The following MPZL3 variants were observed in gnomAD, a reference collection of about 807,000 sequenced individuals.
MPZL3 encodes myelin protein zero-like protein 3.
Under a neutral mutation model 24.8 loss-of-function variants are expected in MPZL3, and 23 were observed. That is an observed-to-expected ratio of 0.93 (90% confidence interval 0.67 to 1.31). The LOEUF is 1.31. Among genes scored for constraint, MPZL3 ranks in the 40% most tolerant of loss-of-function variants. MPZL3 has a pLI of 0.00. For synonymous variants in MPZL3, 99 were observed against 106.5 expected, an observed-to-expected ratio of 0.93 and a Z score of 0.44; for missense variants, 277 against 294.9, an observed-to-expected ratio of 0.94 and a Z score of 0.44.
intron 1 of MPZL3, among the ~76,000 whole-genome samples, chr11:118,250,488 A>G (rs190274953): frequency 6.6e-6 from 1 of 152,284 alleles, no homozygotes; most frequent in Non-Finnish European, 1.5e-5. Context: ...ATAACTGTGA[A>G]TATACTAAAA....
chr11:118,244,209 A>G (rs1949530989), intron 1 of MPZL3, among the ~76,000 whole-genome samples: 1 of 152,222 alleles, frequency 6.6e-6, no homozygotes, highest in Non-Finnish European at 1.5e-5. Flanking sequence ...TTCTTCAAAC[A>G]TACATTTCTT....
intron 4 of MPZL3, among the ~76,000 whole-genome samples, chr11:118,234,583 G>A (rs1460852238): frequency 4.6e-5 from 7 of 152,182 alleles, no homozygotes; most frequent in Admixed American, 3.9e-4. Context: ...AGGGAACAAT[G>A]TGACTTAGAG....
At chr11:118,240,732 GACACACACACACACACACAC>G (rs56100329) in intron 1 of MPZL3, among the ~76,000 whole-genome samples, 35 of 121,528 alleles carry the variant, frequency 2.9e-4, no homozygotes, top group Non-Finnish European at 4.3e-4. Flanking sequence ...ATCCCCCGCA[GACACACACACACACACACAC>G]ACACACACAC....
rs1949322638 is a variant in MPZL3, at chr11:118,229,634, A to T, written c.*260T>A. 2.7e-6 allele frequency: 1 copy of T among 371,514 alleles called. No individual in the cohort carries two copies. The highest frequency in any genetic ancestry group is 8.7e-5 in the South Asian group (1 of 11,546). The allele number at this position is 371,514 out of a possible 1,614,324, so 23.0% of individuals were successfully genotyped here. ...AAAGTATCTTTTTGCTCAGGAAAAG[A>T]ATTTCTTCATTCAATTACAGCATAA... On this transcript the variant is annotated 3_prime_UTR_variant, in exon 6 of 6. Coordinates refer to ENST00000278949, the MANE Select transcript of MPZL3 (RefSeq NM_198275.3).
chr11:118,241,527 ACT>A (rs1949498896), intron 1 of MPZL3, among the ~76,000 whole-genome samples: 5 of 152,176 alleles, frequency 3.3e-5, no homozygotes, highest in Admixed American at 3.3e-4. Flanking sequence ...TAATAACAGT[ACT>A]TACCTCAGAA....
In MPZL3 at chr11:118,241,407, G is replaced by A. The variant is rs140553764; in HGVS notation, c.74-1030C>T. Among the ~76,000 whole-genome samples the A allele has an allele frequency of 4.6e-5, 7 of 152,284 alleles. No homozygotes were observed. The East Asian group carries it at 5.8e-4, about 13-fold the overall frequency. ...TGTTGTGATTGAGCACGCAGGCCAC[G>A]GCTCCTACACCAGAGGGTCTGGGTT... On this transcript the variant is annotated intron_variant, in intron 1 of 5. Transcript: ENST00000278949.
At chr11:118,248,436 T>C (rs1355287897) in intron 1 of MPZL3, among the ~76,000 whole-genome samples, 2 of 152,192 alleles carry the variant, frequency 1.3e-5, no homozygotes, top group African/African-American at 2.4e-5. Context: ...TTATAGTAAG[T>C]ACGCCATCAA....
intron 1 of MPZL3, among the ~76,000 whole-genome samples, chr11:118,251,684 AC>A (rs1949621088): frequency 6.6e-6 from 1 of 152,232 alleles, no homozygotes; most frequent in African/African-American, 2.4e-5. Flanking sequence ...TAAAGCAGTT[AC>A]TTTTTCATCG....
chr11:118,237,454 TG>T (rs1484701514), intron 2 of MPZL3, among the ~76,000 whole-genome samples, 194 bp from the exon 3 acceptor site: 1 of 152,156 alleles, frequency 6.6e-6, no homozygotes, highest in Non-Finnish European at 1.5e-5. Context: ...GAGAGACTTC[TG>T]GGATCCTAAC....
intron 4 of MPZL3, among the ~76,000 whole-genome samples, chr11:118,234,507 C>T (rs1547885): frequency 0.21 from 32,635 of 151,838 alleles, 3,587 homozygotes; most frequent in Middle Eastern, 0.27. Flanking sequence ...GAAAAATATA[C>T]GAATGAAGTA....
rs545747858 is a variant in MPZL3, at chr11:118,228,365, T to C, written c.*1529A>G. On this transcript the variant is annotated 3_prime_UTR_variant, in exon 6 of 6. Transcript: ENST00000278949. The stretch of plus-strand genomic sequence containing the variant: ...AAAAGGGATCAACCTGTTGAAAGAA[T>C]AGAGACAGGTGAGGGGATAATTTTT... 11 of 152,300 alleles carry C rather than the reference T, an allele frequency of 7.2e-5. No individual in the cohort carries two copies. Among genetic ancestry groups the C allele is most frequent in the African/African-American group, 2.6e-4 (11 of 41,558 alleles). The allele number at this position is 152,300 out of a possible 1,614,324, so 9.4% of individuals were successfully genotyped here. A position where few individuals can be genotyped will look rare whatever the true frequency, so the allele number is the denominator to read the frequency against.
At chr11:118,248,374 G>A (rs904617575) in intron 1 of MPZL3, among the ~76,000 whole-genome samples, 2 of 151,990 alleles carry the variant, frequency 1.3e-5, no homozygotes, top group Non-Finnish European at 2.9e-5. Context: ...ACACATTCTG[G>A]TTACTAAATT....
intron 5 of MPZL3, among the ~76,000 whole-genome samples, chr11:118,230,297 CTAAG>C (rs1591488776): frequency 6.6e-6 from 1 of 152,196 alleles, no homozygotes; most frequent in Admixed American, 6.5e-5. Context: ...GGAATTTAGA[CTAAG>C]TGTCAGTCTA....
rs1471900014 is a variant in MPZL3 at position 118,226,793 on chromosome 11, C to T, written c.*3101G>A. The T allele has an allele frequency of 6.6e-6, 1 of 152,096 alleles. No homozygotes were observed. The highest frequency in any genetic ancestry group is 2.4e-5 in the African/African-American group (1 of 41,390). 9.4% of individuals were successfully genotyped at this position (152,096 alleles called of 1,614,324 possible). A position where few individuals can be genotyped will look rare whatever the true frequency, so the allele number is the denominator to read the frequency against. On this transcript the variant is annotated 3_prime_UTR_variant, in exon 6 of 6. Transcript: ENST00000278949. ...CAACAGTGCCTACCCTCCTACAAAA[C>T]AAAAACAAAAACAAAAAAAGGCAAT...
chr11:118,231,567 C>G (rs921692298), intron 5 of MPZL3, among the ~76,000 whole-genome samples: 2 of 152,192 alleles, frequency 1.3e-5, no homozygotes, highest in Admixed American at 1.3e-4. Context: ...CACATCTCCA[C>G]TTGGAAGTTT....
In MPZL3 at chr11:118,227,182, C is replaced by T. The variant is rs922424233; in HGVS notation, c.*2712G>A. On this transcript the variant is annotated 3_prime_UTR_variant, in exon 6 of 6. Coordinates refer to ENST00000278949, the MANE Select transcript of MPZL3 (RefSeq NM_198275.3). ...CCACATTTTGTAATAGAATTAAGAGCGTAATGCATAAAACTTAAAGTCATG... is the reference window on the plus strand; with the variant it reads ...CCACATTTTGTAATAGAATTAAGAGTGTAATGCATAAAACTTAAAGTCATG... The T allele has an allele frequency of 6.6e-6, 1 of 152,182 alleles. No individual in the cohort carries two copies. Among genetic ancestry groups the T allele is most frequent in the Non-Finnish European group, 1.5e-5 (1 of 68,034 alleles). The allele number at this position is 152,182 out of a possible 1,614,324, so 9.4% of individuals were successfully genotyped here.
intron 1 of MPZL3, among the ~76,000 whole-genome samples, chr11:118,247,979 T>C (rs1591499075): frequency 6.6e-6 from 1 of 151,966 alleles, no homozygotes; most frequent in South Asian, 2.1e-4. Context: ...TCTTCTCCAA[T>C]AGATCCTGAT....
chr11:118,252,124 G>T (rs991026634), intron 1 of MPZL3, 98 bp downstream of exon 1: 1 of 1,202,332 alleles, frequency 8.3e-7, no homozygotes, highest in Non-Finnish European at 1.2e-6. Flanking sequence ...AGAGCTATGC[G>T]GGGGCTTTCT....
chr11:118,237,017 A>T (rs1247997881), intron 3 of MPZL3, 33 bp downstream of exon 3: 4 of 1,584,020 alleles, frequency 2.5e-6, no homozygotes, highest in Non-Finnish European at 3.5e-6. Context: ...GTCACAGAGC[A>T]CTGCAGAAGA....
Sources: gnomAD v4.1 joint callset for allele counts (sites outside exome capture counted in the v4.1 genomes callset) on GRCh38, gnomAD v4.1.1 for gene constraint, MANE v1.5 for transcripts, NCBI Gene and HGNC (gene_info 2026-07-23, HGNC 2026-07-21) for gene names.